Variants in CHEK2 observed in about 807,000 individuals in gnomAD.
The protein encoded by CHEK2 is serine/threonine-protein kinase Chk2.
In CHEK2, 71 loss-of-function variants were observed where a neutral mutation model predicts 69.1. The observed-to-expected ratio is 1.03, with a 90% confidence interval of 0.85 to 1.25. The LOEUF (loss-of-function observed/expected upper bound fraction) is 1.25. Ranked by LOEUF, CHEK2 falls within the 50% of genes most tolerant of loss-of-function variation. The probability of loss-of-function intolerance (pLI) is 0.00; values close to 1 mark genes in which losing one functional copy is unlikely to be tolerated. For synonymous variants in CHEK2, 189 were observed against 226.9 expected (o/e 0.83, Z 1.50); for missense variants, 664 against 649.6 (o/e 1.02, Z -0.24).
At chr22:28,689,325 G>C (rs1490782673) in intron 13 of CHEK2, 110 bp from the exon 14 acceptor site, 1 of 827,186 alleles carries the variant, frequency 1.2e-6, no homozygotes, top group East Asian at 2.5e-5. Context: ...GTCCGTCCAA[G>C]AATCATCCCC....
rs1060502697 is a variant in CHEK2, at chr22:28,734,642, T to C, written c.80A>G (p.Gln27Arg). 4.3e-6 allele frequency: 7 copies of C among 1,613,816 alleles called. No homozygotes were observed. The highest frequency in any genetic ancestry group is 5.9e-6 in the Non-Finnish European group (7 of 1,179,982). ...ACSQPHGSVT[Q>R]SQGSSSQSQG... ...GGACTGTGAGGAGGAGCCTTGGGAC[T>C]GGGTAACGCTGCCATGGGGCTGTGA... The change falls in exon 2 of 15, where the codon CAG becomes CGG. Residue 27 changes from glutamine (Q) to arginine (R), a missense_variant. By Grantham distance (43) the Gln-to-Arg change is conservative (BLOSUM62 1). Coordinates refer to ENST00000404276, the MANE Select transcript of CHEK2 (RefSeq NM_007194.4).
intron 5 of CHEK2, 90 bp downstream of exon 5, chr22:28,719,302 CATA>C (rs1198215476): frequency 1.2e-4 from 78 of 668,814 alleles, no homozygotes; most frequent in Non-Finnish European, 1.4e-4. Context: ...GTTATCAATA[CATA>C]ATGAGTGTTA....
Position 28,687,891 on chromosome 22 carries a change from C to T in CHEK2, c.*6G>A, listed in dbSNP as rs775315910. 4.4e-6 allele frequency: 7 copies of T among 1,594,162 alleles called. No homozygotes were observed. The highest frequency in any genetic ancestry group is 3.3e-5 in the Admixed American group (2 of 59,960). On this transcript the variant is annotated 3_prime_UTR_variant, in exon 15 of 15. Transcript: ENST00000404276. Reference sequence around the variant, plus strand: ...GTACATTTCTTTCGTGTTCAAACCACGGAGTTCACAACACAGCAGCACACA... The same window carrying T: ...GTACATTTCTTTCGTGTTCAAACCATGGAGTTCACAACACAGCAGCACACA...
At chr22:28,699,720 G>T in intron 9 of CHEK2, 118 bp downstream of exon 9, 1 of 824,120 alleles carries the variant, frequency 1.2e-6, no homozygotes. Flanking sequence ...GAAGAGAACA[G>T]CAAACACACA....
intron 11 of CHEK2, 103 bp downstream of exon 11, chr22:28,695,607 G>A (rs1459325450): frequency 1.1e-6 from 1 of 949,746 alleles, no homozygotes; most frequent in African/African-American, 1.6e-5. Flanking sequence ...AGTTAGCCAA[G>A]ATCAAGCCAC....
intron 7 of CHEK2, among the ~76,000 whole-genome samples, chr22:28,707,610 T>C (rs186430430): frequency 1.7e-3 from 260 of 152,334 alleles, no homozygotes; most frequent in Non-Finnish European, 2.1e-3. Flanking sequence ...TCTTGGCCAC[T>C]AGACTCTACT....
intron 5 of CHEK2, among the ~76,000 whole-genome samples, chr22:28,718,407 C>A (rs2053656108): frequency 6.6e-6 from 1 of 152,002 alleles, no homozygotes; most frequent in Admixed American, 6.6e-5. Context: ...ACCATATGAT[C>A]CAGCAATCCC....
At chr22:28,705,810 G>A (rs1192095155) in intron 7 of CHEK2, among the ~76,000 whole-genome samples, 5 of 151,576 alleles carry the variant, frequency 3.3e-5, no homozygotes, top group Admixed American at 1.3e-4. Context: ...CCTGTAATCC[G>A]AGCTACTTGG....
chr22:28,719,353 T>G (rs753147387), intron 5 of CHEK2, 42 bp downstream of exon 5: 1 of 1,065,508 alleles, frequency 9.4e-7, no homozygotes, highest in Non-Finnish European at 1.4e-6. Context: ...CACAAATGTA[T>G]AGTGAAAAAA....
chr22:28,697,764 C>T (rs17886271), intron 9 of CHEK2, among the ~76,000 whole-genome samples: 45 of 151,862 alleles, frequency 3.0e-4, no homozygotes, highest in African/African-American at 1.0e-3. Context: ...TTTGTAGAGA[C>T]GGGATCTCAC....
rs1483140185 is a variant in CHEK2, at chr22:28,734,113, A to C, written c.319+290T>G. Among the ~76,000 whole-genome samples, 3 of 152,084 alleles carry C rather than the reference A, an allele frequency of 2.0e-5. No individual in the cohort carries two copies. The East Asian group carries it at 5.8e-4, about 29-fold the overall frequency. On this transcript the variant is annotated intron_variant, in intron 2 of 14. Transcript: ENST00000404276. The stretch of plus-strand genomic sequence containing the variant: ...CCAGCACTTCATTTACATAGGATGT[A>C]AACAGTGGGAGACCTCTAGAGGGTA...
chr22:28,712,102 AT>A, intron 5 of CHEK2, 85 bp from the exon 6 acceptor site: 1 of 929,688 alleles, frequency 1.1e-6, no homozygotes, highest in Non-Finnish European at 1.8e-6. Context: ...AAGTATTAGA[AT>A]TTACAGACAT....
chr22:28,724,989 T>G lies in CHEK2; in HGVS notation c.580A>C (p.Ser194Arg), dbSNP rs786203042. Residue 194 changes from serine (S) to arginine (R), a missense_variant, in exon 4 of 15, where the codon AGC becomes CGC. By Grantham distance (110) the Ser-to-Arg change is moderately radical. Coordinates refer to ENST00000404276, the MANE Select transcript of CHEK2 (RefSeq NM_007194.4). The stretch of plus-strand genomic sequence containing the variant: ...ATAATAATATTACCTTTATTTCTGC[T>G]TAGTGACAGTGCAATTTCAGAATTG... ...NNNSEIALSL[S>R]RNKVFVFFDL... 1.2e-6 allele frequency: 2 copies of G among 1,614,086 alleles called. No homozygotes were observed. The highest frequency in any genetic ancestry group is 1.7e-6 in the Non-Finnish European group (2 of 1,179,982).
At chr22:28,737,324 C>T (rs146052271) in intron 1 of CHEK2, 5,713 of 473,240 alleles carry the variant, frequency 0.012, 122 homozygotes, top group East Asian at 0.048. Flanking sequence ...GATCTTTCAC[C>T]TTTTCAGTAA....
Position 28,717,572 on chromosome 22 carries a change from T to TA in CHEK2, c.683+1822dup, listed in dbSNP as rs879895705. Among the ~76,000 whole-genome samples, 388 of 142,048 alleles carry TA rather than the reference T, an allele frequency of 2.7e-3. 2 individuals carry two copies. The highest frequency in any genetic ancestry group is 8.8e-3 in the African/African-American group (341 of 38,576). 93.2% of individuals were successfully genotyped at this position (142,048 alleles called of 152,430 possible). A position where few individuals can be genotyped will look rare whatever the true frequency, so the allele number is the denominator to read the frequency against. ...AATACAGCAAGACTCATCTCTACAG[T>TA]AAAAAAAAAAATAAAAATTAGGGCC... On this transcript the variant is annotated intron_variant, in intron 5 of 14. Transcript: ENST00000404276.
At chr22:28,739,561 C>T (rs2054502153) in intron 1 of CHEK2, among the ~76,000 whole-genome samples, 1 of 151,366 alleles carries the variant, frequency 6.6e-6, no homozygotes, top group African/African-American at 2.4e-5. Flanking sequence ...TGGTGGCAGG[C>T]GTCTATAATC....
At chr22:28,716,777 A>G (rs1005213073) in intron 5 of CHEK2, among the ~76,000 whole-genome samples, 7 of 152,204 alleles carry the variant, frequency 4.6e-5, no homozygotes, top group Non-Finnish European at 1.0e-4. Context: ...TACTTTCCTA[A>G]AGAAATGGTT....
At chr22:28,738,628 C>A (rs977357598) in intron 1 of CHEK2, among the ~76,000 whole-genome samples, 5 of 152,106 alleles carry the variant, frequency 3.3e-5, no homozygotes, top group Non-Finnish European at 5.9e-5. Flanking sequence ...AAAGTGAGGG[C>A]AGCAAAACTC....
rs370506774 is a variant in CHEK2, at chr22:28,719,349, T to C, written c.683+46A>G. The C allele has an allele frequency of 1.1e-4, 109 of 1,029,778 alleles. No individual in the cohort carries two copies. The African/African-American group carries it at 1.5e-3, about 14-fold the overall frequency. 63.8% of individuals were successfully genotyped at this position (1,029,778 alleles called of 1,614,324 possible). ...GAAATGAGAAACCACCAATCACAAA[T>C]GTATAGTGAAAAAATTAAGTGCATT... On this transcript the variant is annotated intron_variant, in intron 5 of 14. Transcript: ENST00000404276.
Sources: allele counts gnomAD v4.1 joint callset (sites outside exome capture counted in the v4.1 genomes callset), GRCh38; gene constraint gnomAD v4.1.1; transcripts MANE v1.5; gene names NCBI Gene and HGNC (gene_info 2026-07-23, HGNC 2026-07-21).